MTRFR: variants seen among roughly 807,000 people sequenced by gnomAD.
MTRFR encodes the protein mitochondrial translation release factor in rescue.
Under a neutral mutation model 11.9 loss-of-function variants are expected in MTRFR, and 10 were observed. That is an observed-to-expected ratio of 0.84 (90% CI 0.52 to 1.42). The LOEUF is 1.42. MTRFR is among the 40% of genes most tolerant of loss of function. The pLI is 0.00. For synonymous variants in MTRFR, 77 were observed against 79.1 expected (o/e 0.97, Z 0.14); for missense variants, 196 against 197.9 (o/e 0.99, Z 0.06).
At chr12:123,249,184 G>A (rs1476592877) in intron 1 of MTRFR, 3 of 152,292 alleles carry the variant, frequency 2.0e-5, no homozygotes, top group Non-Finnish European at 4.4e-5. Context: ...GTGCTGACTG[G>A]TGTATTTATA....
At chr12:123,240,044 A>G (rs2047907075) in intron 1 of MTRFR, among the ~76,000 whole-genome samples, 1 of 152,004 alleles carries the variant, frequency 6.6e-6, no homozygotes, top group African/African-American at 2.4e-5. Context: ...ACCAGCAGCA[A>G]CAGCCTCATC....
At chr12:123,250,257 C>G (rs1339378517) in intron 1 of MTRFR, 1 of 152,172 alleles carries the variant, frequency 6.6e-6, no homozygotes, top group Non-Finnish European at 1.5e-5. Context: ...ATCTATTTCC[C>G]TGAGTGATTT....
At chr12:123,249,142 G>A (rs1429631301) in intron 1 of MTRFR, 1 of 152,270 alleles carries the variant, frequency 6.6e-6, no homozygotes, top group Non-Finnish European at 1.5e-5. Context: ...GGTGCTGATT[G>A]GTGTATTTAC....
chr12:123,234,490 G>T (rs1207356314), intron 1 of MTRFR, among the ~76,000 whole-genome samples: 3 of 152,142 alleles, frequency 2.0e-5, no homozygotes, highest in African/African-American at 7.2e-5. Flanking sequence ...CTGCCTCCCG[G>T]GTTCAAGTGA....
At chr12:123,244,967 A>G (rs2048016052) in intron 1 of MTRFR, among the ~76,000 whole-genome samples, 1 of 69,610 alleles carries the variant, frequency 1.4e-5, no homozygotes, top group Non-Finnish European at 2.8e-5. Context: ...TTTTAGACAG[A>G]GTCTTACTCT....
chr12:123,250,109 T>C (rs908887235), intron 1 of MTRFR: 35 of 152,254 alleles, frequency 2.3e-4, no homozygotes, highest in African/African-American at 8.2e-4. Flanking sequence ...ATTGGGTTAA[T>C]TTGAAGACCT....
At chr12:123,238,397 C>A (rs755575132) in intron 1 of MTRFR, among the ~76,000 whole-genome samples, 2 of 152,060 alleles carry the variant, frequency 1.3e-5, no homozygotes, top group African/African-American at 4.8e-5. Flanking sequence ...GTTTCATCTC[C>A]TTCTTAAGGA....
intron 1 of MTRFR, among the ~76,000 whole-genome samples, chr12:123,234,326 A>G (rs987739337): frequency 4.0e-5 from 6 of 151,152 alleles, no homozygotes; most frequent in African/African-American, 1.5e-4. Context: ...CAGATCTGCC[A>G]GGAGGCGTTA....
intron 1 of MTRFR, chr12:123,249,413 G>C (rs1385596678): frequency 6.5e-6 from 1 of 152,714 alleles, no homozygotes; most frequent in Non-Finnish European, 1.5e-5. Context: ...GAGCAGGGCA[G>C]GGGGAGGGGG....
intron 2 of MTRFR, among the ~76,000 whole-genome samples, chr12:123,255,773 C>G (rs963133499): frequency 6.6e-6 from 1 of 152,174 alleles, no homozygotes; most frequent in African/African-American, 2.4e-5. Context: ...TACAGGTGCC[C>G]ATCACCACGC....
At chr12:123,236,336 G>A (rs2047849806) in intron 1 of MTRFR, among the ~76,000 whole-genome samples, 1 of 151,956 alleles carries the variant, frequency 6.6e-6, no homozygotes, top group African/African-American at 2.4e-5. Flanking sequence ...GCTCACGCCT[G>A]TAATCCCATC....
chr12:123,242,156 T>G (rs1336048435), intron 1 of MTRFR, among the ~76,000 whole-genome samples: 1 of 152,220 alleles, frequency 6.6e-6, no homozygotes. Context: ...TCTCTGAACT[T>G]AACCAAGTTG....
chr12:123,243,261 T>G (rs1454100488), intron 1 of MTRFR, among the ~76,000 whole-genome samples: 1 of 150,558 alleles, frequency 6.6e-6, no homozygotes, highest in Non-Finnish European at 1.5e-5. Context: ...CTGGGCGCAA[T>G]GGCTCACGCC....
At chr12:123,237,602 G>A (rs2047871650) in intron 1 of MTRFR, among the ~76,000 whole-genome samples, 1 of 152,150 alleles carries the variant, frequency 6.6e-6, no homozygotes, top group Middle Eastern at 3.2e-3. Context: ...CAAAATCAAA[G>A]ACTACAGCTC....
At chr12:123,245,411 G>A (rs746042895) in intron 1 of MTRFR, among the ~76,000 whole-genome samples, 29 of 151,950 alleles carry the variant, frequency 1.9e-4, no homozygotes, top group Non-Finnish European at 2.9e-4. Flanking sequence ...TTCTAATTCC[G>A]TGAAGAATGA....
chr12:123,254,255 G>A (rs1002037748), intron 2 of MTRFR: 22 of 391,030 alleles, frequency 5.6e-5, no homozygotes, highest in African/African-American at 1.4e-4. Context: ...CTGCTGCCCC[G>A]GAAGCAACGT....
At chr12:123,254,078 C>T in intron 2 of MTRFR, 122 bp downstream of exon 2, 2 of 1,198,564 alleles carry the variant, frequency 1.7e-6, no homozygotes, top group Middle Eastern at 2.3e-4. Flanking sequence ...TTGGGCCACC[C>T]TCTACCAGCC....
At position 123,233,480 on chromosome 12, in the gene MTRFR, TGATTTG is replaced by T. The variant is rs2047762590; in HGVS notation, c.-76_-71del. On this transcript the variant is annotated 5_prime_UTR_variant, in exon 1 of 3. Transcript: ENST00000253233. ...CGCGATTGCGAATCCTCCGCTGAGG[TGATTTG>T]GATATCCCTAGAACGTTGAGGGCAC... is the stretch of plus-strand genomic sequence containing the variant. The T allele has an allele frequency of 6.6e-6, 1 of 151,976 alleles. No individual in the cohort carries two copies. The allele number at this position is 151,976 out of a possible 1,614,324, so 9.4% of individuals were successfully genotyped here.
intron 1 of MTRFR, chr12:123,249,565 G>C (rs991241588): frequency 6.5e-6 from 1 of 153,798 alleles, no homozygotes. Context: ...TGGCCGGGGT[G>C]CTAAGCCCCT....
Sources: allele counts gnomAD v4.1 joint callset (sites outside exome capture counted in the v4.1 genomes callset), GRCh38; gene constraint gnomAD v4.1.1; transcripts MANE v1.5; gene names NCBI Gene and HGNC (gene_info 2026-07-23, HGNC 2026-07-21).